The following CHRNB4 variants were observed in gnomAD, a reference collection of about 807,000 sequenced individuals.
CHRNB4 encodes neuronal acetylcholine receptor subunit beta-4.
In CHRNB4, 23 loss-of-function variants were observed where a neutral mutation model predicts 40.4. That is an observed-to-expected ratio of 0.57 (90% CI 0.41 to 0.81). The LOEUF (loss-of-function observed/expected upper bound fraction) is 0.81. CHRNB4 is among the 30% of genes least tolerant of loss of function. The pLI is 0.00. For missense variants in CHRNB4, 568 were observed against 670.6 expected, an observed-to-expected ratio of 0.85 and a Z score of 1.69; for synonymous variants, 285 against 274.4, an observed-to-expected ratio of 1.04 and a Z score of -0.38.
Position 78,629,068 on chromosome 15 carries a change from A to G in CHRNB4, c.1237T>C (p.Trp413Arg), listed in dbSNP as rs1421995106. The G allele has an allele frequency of 1.2e-6, 2 of 1,614,222 alleles. No homozygotes were observed. The highest frequency in any genetic ancestry group is 2.2e-5 in the South Asian group (2 of 91,078). ...STPVAIPRDF[W>R]LRSSGRFRQD... is the part of the protein sequence containing the mutation. ...CGGAACCTCCCAGAGGACCGCAGCC[A>G]GAAATCCCTGGGGATAGCCACCGGG... The change falls in exon 5 of 6, where the codon TGG becomes CGG. Residue 413 changes from tryptophan (W) to arginine (R), a missense_variant. By Grantham distance (101) the Trp-to-Arg change is moderately radical (BLOSUM62 -3). Around this residue, in one of 4 missense-constraint regions of CHRNB4, gnomAD observed 242 missense variants for 274.9 expected, o/e 0.88. Coordinates refer to ENST00000261751, the MANE Select transcript of CHRNB4 (RefSeq NM_000750.5). The surrounding 1 kb of genome is among the most constrained non-coding windows in gnomAD (Gnocchi z 6.8).
At chr15:78,640,819 C>T (rs1434422873) in intron 1 of CHRNB4, among the ~76,000 whole-genome samples, 3 of 152,220 alleles carry the variant, frequency 2.0e-5, no homozygotes, top group African/African-American at 7.2e-5. Context: ...AGACACTCGC[C>T]CTGGAGGGTG....
chr15:78,635,751 T>C (rs763043523), intron 1 of CHRNB4, among the ~76,000 whole-genome samples, 164 bp from the exon 2 acceptor site: 5 of 152,130 alleles, frequency 3.3e-5, no homozygotes, highest in Non-Finnish European at 5.9e-5. Flanking sequence ...TCAAATTAAA[T>C]ACACTCAACA....
In CHRNB4 at chr15:78,624,803, A is replaced by C. The variant is rs926639293; in HGVS notation, c.*330T>G. Reference sequence around the variant, plus strand: ...GGGAAGTGGAGAGAGATGGTGATGGAGAGGCAGGCCGGCACCATGCCTGAA... The same window carrying C: ...GGGAAGTGGAGAGAGATGGTGATGGCGAGGCAGGCCGGCACCATGCCTGAA... On this transcript the variant is annotated 3_prime_UTR_variant, in exon 6 of 6. Coordinates refer to ENST00000261751, the MANE Select transcript of CHRNB4 (RefSeq NM_000750.5). 1.7e-6 allele frequency: 1 copy of C among 589,810 alleles called. No individual in the cohort carries two copies. Among genetic ancestry groups the C allele is most frequent in the Non-Finnish European group, 2.8e-6 (1 of 351,076 alleles). The allele number at this position is 589,810 out of a possible 1,614,324, so 36.5% of individuals were successfully genotyped here.
Position 78,624,753 on chromosome 15 carries a change from A to T in CHRNB4, c.*380T>A. On this transcript the variant is annotated 3_prime_UTR_variant, in exon 6 of 6. Transcript: ENST00000261751. ...CAAGCCTCTGAGCTGGGAAGAATCT[A>T]GAAGTGTGTGAGGAACTGGACAAGG... 2.1e-6 allele frequency: 1 copy of T among 476,632 alleles called. No individual in the cohort carries two copies. Among genetic ancestry groups the T allele is most frequent in the East Asian group, 3.1e-5 (1 of 32,520 alleles). The allele number at this position is 476,632 out of a possible 1,614,324, so 29.5% of individuals were successfully genotyped here.
chr15:78,629,031 T>C lies in CHRNB4; in HGVS notation c.1274A>G (p.Gln425Arg). Residue 425 changes from glutamine (Q) to arginine (R), a missense_variant, in exon 5 of 6, where the codon CAG (glutamine) becomes CGG (arginine). Around this residue, in one of 4 missense-constraint regions of CHRNB4, gnomAD observed 242 missense variants for 274.9 expected, o/e 0.88. Coordinates refer to ENST00000261751, the MANE Select transcript of CHRNB4 (RefSeq NM_000750.5). This position sits in a 1 kb window ranked among gnomAD's most constrained non-coding sequence, Gnocchi z 6.8. ...GAAGCTGACACCTTCTAATGCCTCC[T>C]GCACATCCTGTCGGAACCTCCCAGA... Reference protein sequence around the residue: ...RSSGRFRQDVQEALEGVSFIA... With the variant: ...RSSGRFRQDVREALEGVSFIA... 1 of 1,614,176 alleles carries C rather than the reference T, an allele frequency of 6.2e-7. No individual in the cohort carries two copies. The highest frequency in any genetic ancestry group is 8.5e-7 in the Non-Finnish European group (1 of 1,180,054).
chr15:78,629,094 G>T lies in CHRNB4; in HGVS notation c.1211C>A (p.Thr404Asn). 1 of 1,614,224 alleles carries T rather than the reference G, an allele frequency of 6.2e-7. No individual in the cohort carries two copies. The highest frequency in any genetic ancestry group is 8.5e-7 in the Non-Finnish European group (1 of 1,180,048). Residue 404 changes from threonine (T) to asparagine (N), a missense_variant, in exon 5 of 6, where the codon ACC becomes AAC. Thr to Asn is a moderately conservative substitution (Grantham distance 65). Around this residue, in one of 4 missense-constraint regions of CHRNB4, gnomAD observed 242 missense variants for 274.9 expected, o/e 0.88. Coordinates refer to ENST00000261751, the MANE Select transcript of CHRNB4 (RefSeq NM_000750.5). The surrounding 1 kb of genome is among the most constrained non-coding windows in gnomAD (Gnocchi z 6.8). ...SAASKSPAGS[T>N]PVAIPRDFWL... ...GAAATCCCTGGGGATAGCCACCGGG[G>T]TAGAGCCGGCTGGAGACTTGGAAGC... is the stretch of plus-strand genomic sequence containing the variant.
At chr15:78,645,589 C>T (rs2054116415), upstream of CHRNB4, among the ~76,000 whole-genome samples, 1 of 152,068 alleles carries the variant, frequency 6.6e-6, no homozygotes, top group South Asian at 2.1e-4. Context: ...CCCCAGTTAC[C>T]TTTTGTGGCA....
intron 1 of CHRNB4, among the ~76,000 whole-genome samples, chr15:78,639,999 A>T (rs1248057325): frequency 6.6e-5 from 10 of 152,150 alleles, no homozygotes; most frequent in Admixed American, 6.5e-4. Context: ...GAGTAGTACA[A>T]ACTACTTTCT....
intron 6 of CHRNB4, among the ~76,000 whole-genome samples, chr15:78,650,299 G>T (rs570355955): frequency 6.6e-6 from 1 of 152,322 alleles, no homozygotes; most frequent in East Asian, 1.9e-4. Flanking sequence ...GGAGTTAGCA[G>T]CCTGGGACCT....
intron 7 of CHRNB4, among the ~76,000 whole-genome samples, chr15:78,646,702 G>A (rs1002898424): frequency 2.0e-5 from 3 of 152,154 alleles, no homozygotes; most frequent in African/African-American, 4.8e-5. Flanking sequence ...ATCCCATCAC[G>A]AGAGCTCCAC....
intron 5 of CHRNB4, chr15:78,626,375 T>TGC (rs2053659079): frequency 6.9e-6 from 1 of 145,280 alleles, no homozygotes; most frequent in African/African-American, 2.6e-5. Flanking sequence ...TGTGTGTGTG[T>TGC]GTGTGTGTGT....
chr15:78,644,398 G>A (rs1214963286), upstream of CHRNB4, among the ~76,000 whole-genome samples: 2 of 149,520 alleles, frequency 1.3e-5, no homozygotes, highest in Non-Finnish European at 3.0e-5. Context: ...GGGCTTGTGT[G>A]GGGGGTTTAT....
chr15:78,659,598 T>C (rs1353212565), intron 1 of CHRNB4, among the ~76,000 whole-genome samples: 1 of 152,024 alleles, frequency 6.6e-6, no homozygotes, highest in African/African-American at 2.4e-5. Flanking sequence ...CCAACCCTAC[T>C]CTGGGAGAAG....
At chr15:78,631,986 C>G (rs1228091757) in intron 2 of CHRNB4, among the ~76,000 whole-genome samples, 1 of 152,162 alleles carries the variant, frequency 6.6e-6, no homozygotes, top group Non-Finnish European at 1.5e-5. Flanking sequence ...TGCACTGCCT[C>G]TTTGCTCCTG....
At chr15:78,650,671 G>A (rs973384728) in intron 6 of CHRNB4, among the ~76,000 whole-genome samples, 2 of 152,312 alleles carry the variant, frequency 1.3e-5, no homozygotes, top group Non-Finnish European at 2.9e-5. Flanking sequence ...GAAGGTGGCC[G>A]TGGCCGCAAG....
intron 1 of CHRNB4, among the ~76,000 whole-genome samples, chr15:78,636,204 G>A (rs1445751036): frequency 2.0e-5 from 3 of 152,042 alleles, no homozygotes; most frequent in Admixed American, 2.0e-4. Flanking sequence ...ACCATTCCCG[G>A]TCCTAGTCCT....
chr15:78,637,757 G>A (rs2053984580), intron 1 of CHRNB4, among the ~76,000 whole-genome samples: 1 of 152,182 alleles, frequency 6.6e-6, no homozygotes, highest in Admixed American at 6.5e-5. Context: ...CTGCCTATCT[G>A]GAACAGATGC....
rs2054067813 is a variant in CHRNB4 at position 78,641,203 on chromosome 15, G to C, written c.-70C>G. The stretch of plus-strand genomic sequence containing the variant: ...GTCACAGGGCACCCGTGAGCCGCGC[G>C]GTCGAGTGAGCGCCGGTCCTGGCCC... On this transcript the variant is annotated 5_prime_UTR_variant, in exon 1 of 6. Transcript: ENST00000261751. 1.6e-5 allele frequency: 22 copies of C among 1,373,194 alleles called. No individual in the cohort carries two copies. The highest frequency in any genetic ancestry group is 2.1e-5 in the Non-Finnish European group (22 of 1,048,572). The allele number at this position is 1,373,194 out of a possible 1,614,324, so 85.1% of individuals were successfully genotyped here.
intron 1 of CHRNB4, among the ~76,000 whole-genome samples, chr15:78,639,721 C>A (rs1177012175): frequency 6.6e-6 from 1 of 152,172 alleles, no homozygotes; most frequent in African/African-American, 2.4e-5. Context: ...AGATTCTGAT[C>A]CTGTAAGCCT....
Sources: allele counts gnomAD v4.1 joint callset (sites outside exome capture counted in the v4.1 genomes callset), GRCh38; gene constraint gnomAD v4.1.1; regional missense constraint gnomAD v4.1.1; non-coding constraint Gnocchi (gnomAD v3.1); transcripts MANE v1.5; gene names NCBI Gene and HGNC (gene_info 2026-07-23, HGNC 2026-07-21).